Variants in NUDT4 observed in about 807,000 individuals in gnomAD.
NUDT4 encodes diphosphoinositol polyphosphate phosphohydrolase 2.
In NUDT4, 5 loss-of-function variants were observed where a neutral mutation model predicts 23.1. The observed-to-expected ratio is 0.22, with a 90% CI of 0.11 to 0.46. The LOEUF is 0.46. Among genes scored for constraint, NUDT4 ranks in the 20% least tolerant of loss-of-function variants. The probability of loss-of-function intolerance (pLI) is 0.99; values close to 1 mark genes in which losing one functional copy is unlikely to be tolerated. For missense variants in NUDT4, 96 were observed against 211.6 expected (o/e 0.45, Z 3.39); for synonymous variants, 50 against 79.0 (o/e 0.63, Z 1.95).
intron 1 of NUDT4, among the ~76,000 whole-genome samples, chr12:93,392,786 C>A (rs1876646939): frequency 8.1e-6 from 1 of 123,562 alleles, no homozygotes; most frequent in Non-Finnish European, 1.7e-5. Flanking sequence ...TCAAGTGATT[C>A]TCATGCCTCA....
chr12:93,383,993 A>G (rs11107004), intron 1 of NUDT4, among the ~76,000 whole-genome samples: 32,114 of 152,142 alleles, frequency 0.21, 4,140 homozygotes, highest in East Asian at 0.53. Context: ...GAGCCAAGCC[A>G]TGACAATTGC....
At chr12:93,378,915 T>C in intron 1 of NUDT4, 1 of 427,354 alleles carries the variant, frequency 2.3e-6, no homozygotes, top group Non-Finnish European at 3.1e-6. Flanking sequence ...GTGCTTGGAA[T>C]TGAGTCTAGT....
At position 93,400,729 on chromosome 12, in the gene NUDT4, CCTCCCGAGTAGTTGGGATT is replaced by C. The variant is rs1877335538; in HGVS notation, c.*1351_*1369del. 1 of 152,562 alleles carries C rather than the reference CCTCCCGAGTAGTTGGGATT, an allele frequency of 6.6e-6. No individual in the cohort carries two copies. The highest frequency in any genetic ancestry group is 2.4e-5 in the African/African-American group (1 of 41,490). 9.5% of individuals were successfully genotyped at this position (152,562 alleles called of 1,614,324 possible). A position where few individuals can be genotyped will look rare whatever the true frequency, so the allele number is the denominator to read the frequency against. On this transcript the variant is annotated 3_prime_UTR_variant, in exon 5 of 5. Transcript: ENST00000415493. ...GGTTCAAGCGATTCTCCTGCCTCAG[CCTCCCGAGTAGTTGGGATT>C]ACAGGCGCCTGCCTCCATGCCTGGC...
In NUDT4 at chr12:93,403,290, T is replaced by G. The variant is rs1014139266; in HGVS notation, c.*3911T>G. 2 of 152,194 alleles carry G rather than the reference T, an allele frequency of 1.3e-5. No homozygotes were observed. The highest frequency in any genetic ancestry group is 2.4e-5 in the African/African-American group (1 of 41,446). The allele number at this position is 152,194 out of a possible 1,614,324, so 9.4% of individuals were successfully genotyped here. On this transcript the variant is annotated 3_prime_UTR_variant, in exon 5 of 5. Coordinates refer to ENST00000415493, the MANE Select transcript of NUDT4 (RefSeq NM_019094.6). ...AGCTTATATTCTAGTGGGGTAGAGA[T>G]AAGTGATTTATCTTGGTGTAGTTTT...
intron 1 of NUDT4, among the ~76,000 whole-genome samples, chr12:93,383,936 C>T (rs909815407): frequency 2.0e-5 from 3 of 152,194 alleles, no homozygotes; most frequent in Non-Finnish European, 4.4e-5. Context: ...CTCCTCCGCT[C>T]CCCTTCCCGG....
intron 1 of NUDT4, among the ~76,000 whole-genome samples, chr12:93,385,943 A>T (rs1038907004): frequency 0.018 from 486 of 27,368 alleles, 12 homozygotes; most frequent in Middle Eastern, 0.056. Context: ...AAATCTTTTT[A>T]TATATATATA....
chr12:93,379,699 TG>T (rs1017634268), intron 1 of NUDT4, among the ~76,000 whole-genome samples: 1 of 152,198 alleles, frequency 6.6e-6, no homozygotes, highest in African/African-American at 2.4e-5. Flanking sequence ...CCCCAGCCTT[TG>T]AGATGGGTCT....
rs1273065002 is a variant in NUDT4 at position 93,403,260 on chromosome 12, CAAAG to C, written c.*3883_*3886del. ...AGAGCACAAAACAATTTTCTAATCT[CAAAG>C]AGCTTATATTCTAGTGGGGTAGAGA... On this transcript the variant is annotated 3_prime_UTR_variant, in exon 5 of 5. Transcript: ENST00000415493. 1 of 152,168 alleles carries C rather than the reference CAAAG, an allele frequency of 6.6e-6. No homozygotes were observed. The highest frequency in any genetic ancestry group is 2.4e-5 in the African/African-American group (1 of 41,432). 9.4% of individuals were successfully genotyped at this position (152,168 alleles called of 1,614,324 possible).
chr12:93,380,295 G>A (rs990939445), intron 1 of NUDT4, among the ~76,000 whole-genome samples: 1 of 152,114 alleles, frequency 6.6e-6, no homozygotes, highest in Non-Finnish European at 1.5e-5. Flanking sequence ...TTGAAATGAT[G>A]ATCTCTATTG....
rs772492422 is a variant in NUDT4, at chr12:93,399,419, T to C, written c.*40T>C. On this transcript the variant is annotated 3_prime_UTR_variant, in exon 5 of 5. Coordinates refer to ENST00000415493, the MANE Select transcript of NUDT4 (RefSeq NM_019094.6). ...GCCTCTCCCACCATGTGCAGTCTCA[T>C]GGGGAGAGGCTTCTTTCGTTTCCTC... The C allele has an allele frequency of 9.4e-6, 5 of 529,796 alleles. No individual in the cohort carries two copies. In the South Asian group the frequency reaches 1.1e-4, roughly 12 times the overall value. The allele number at this position is 529,796 out of a possible 1,614,324, so 32.8% of individuals were successfully genotyped here.
chr12:93,382,999 TCTTCATCTGTG>T (rs984413080), intron 1 of NUDT4, among the ~76,000 whole-genome samples: 11 of 152,010 alleles, frequency 7.2e-5, no homozygotes, highest in African/African-American at 2.7e-4. Flanking sequence ...GTCACCAACT[TCTTCATCTGTG>T]CCTCCAGCTC....
intron 1 of NUDT4, among the ~76,000 whole-genome samples, chr12:93,384,399 C>G (rs962228696): frequency 5.9e-5 from 9 of 152,170 alleles, no homozygotes; most frequent in African/African-American, 1.9e-4. Flanking sequence ...GATCTCCTGA[C>G]CTCGTGATCT....
intron 3 of NUDT4, among the ~76,000 whole-genome samples, chr12:93,398,338 C>CAAAAAAAAAAAA (rs34651915): frequency 1.3e-5 from 1 of 75,312 alleles, no homozygotes. Flanking sequence ...CTCCCTGTCT[C>CAAAAAAAAAAAA]AAAAAAAAAA....
intron 3 of NUDT4, among the ~76,000 whole-genome samples, chr12:93,397,865 G>T (rs1312804243): frequency 6.6e-6 from 1 of 152,114 alleles, no homozygotes; most frequent in African/African-American, 2.4e-5. Context: ...GCCTGCAGGA[G>T]GAGTGCTTAA....
chr12:93,396,690 G>A (rs1876958214), intron 3 of NUDT4, among the ~76,000 whole-genome samples: 1 of 152,160 alleles, frequency 6.6e-6, no homozygotes, highest in Non-Finnish European at 1.5e-5. Flanking sequence ...CAAGGCAGGA[G>A]GATCACTAGG....
chr12:93,402,113 C>G lies in NUDT4; in HGVS notation c.*2734C>G, dbSNP rs1316241075. 1 of 150,286 alleles carries G rather than the reference C, an allele frequency of 6.7e-6. No homozygotes were observed. Among genetic ancestry groups the G allele is most frequent in the Non-Finnish European group, 1.5e-5 (1 of 67,618 alleles). The allele number at this position is 150,286 out of a possible 1,614,324, so 9.3% of individuals were successfully genotyped here. On this transcript the variant is annotated 3_prime_UTR_variant, in exon 5 of 5. Transcript: ENST00000415493. ...CATTTTCTGACCAGGCACATGCCAT[C>G]CAATTTTCTGTCAATCACACTGTTG...
chr12:93,381,151 A>G (rs1875633268), intron 1 of NUDT4: 1 of 152,190 alleles, frequency 6.6e-6, no homozygotes, highest in African/African-American at 2.4e-5. Flanking sequence ...TCTGTTCTGT[A>G]GGGTAAATAA....
In NUDT4 at chr12:93,404,464, C is replaced by G. The variant is rs1364901710; in HGVS notation, c.*5085C>G. ...ATACATACCCTTTCACCCAACAGTTCCACTCCTGGGAGTCTAGTCAACAAA... is the reference window on the plus strand; with the variant it reads ...ATACATACCCTTTCACCCAACAGTTGCACTCCTGGGAGTCTAGTCAACAAA... On this transcript the variant is annotated 3_prime_UTR_variant, in exon 5 of 5. Coordinates refer to ENST00000415493, the MANE Select transcript of NUDT4 (RefSeq NM_019094.6). 6.6e-6 allele frequency: 1 copy of G among 152,196 alleles called. No homozygotes were observed. Among genetic ancestry groups the G allele is most frequent in the African/African-American group, 2.4e-5 (1 of 41,446 alleles). 9.4% of individuals were successfully genotyped at this position (152,196 alleles called of 1,614,324 possible). A position where few individuals can be genotyped will look rare whatever the true frequency, so the allele number is the denominator to read the frequency against.
chr12:93,397,537 T>G (rs547246961), intron 3 of NUDT4, among the ~76,000 whole-genome samples: 1 of 152,218 alleles, frequency 6.6e-6, no homozygotes, highest in African/African-American at 2.4e-5. Flanking sequence ...ATTTATGTTT[T>G]TTTTTTTTAG....
Sources: gnomAD v4.1 joint callset for allele counts (sites outside exome capture counted in the v4.1 genomes callset) on GRCh38, gnomAD v4.1.1 for gene constraint, MANE v1.5 for transcripts, NCBI Gene and HGNC (gene_info 2026-07-23, HGNC 2026-07-21) for gene names.